Variants in WDPCP observed in about 807,000 individuals in gnomAD.
WDPCP encodes WD repeat containing planar cell polarity effector.
WDPCP carries 71 observed loss-of-function variants against 93.1 expected under a neutral mutation model. The observed-to-expected ratio is 0.76, with a 90% CI of 0.63 to 0.93. The LOEUF (loss-of-function observed/expected upper bound fraction) is 0.93. Ranked by LOEUF, WDPCP falls within the 40% of genes least tolerant of loss-of-function variation. WDPCP has a pLI of 0.00. For missense variants in WDPCP, 844 were observed against 887.4 expected, an observed-to-expected ratio of 0.95 and a Z score of 0.62; for synonymous variants, 315 against 315.0, an observed-to-expected ratio of 1.00 and a Z score of 0.00.
At chr2:63,834,104 C>A in the WDPCP span, among the ~76,000 whole-genome samples, 3 of 152,096 alleles carry the variant, frequency 2.0e-5, no homozygotes, top group African/African-American at 4.8e-5. Context: ...TATCTGTATT[C>A]TTTTTTCTTT....
intron 1 of WDPCP, among the ~76,000 whole-genome samples, chr2:63,539,702 A>T (rs1704568721): frequency 6.6e-6 from 1 of 152,202 alleles, no homozygotes; most frequent in Non-Finnish European, 1.5e-5. Context: ...AATAATAAAA[A>T]AATAAAACTC....
chr2:63,293,882 C>T (rs1156963119), intron 13 of WDPCP, among the ~76,000 whole-genome samples: 2 of 152,084 alleles, frequency 1.3e-5, no homozygotes, highest in Admixed American at 6.6e-5. Context: ...TACCATCAAG[C>T]TGATCAACAT....
At chr2:63,705,262 T>C (rs940108368) in intron 2 of WDPCP, among the ~76,000 whole-genome samples, 12 of 152,224 alleles carry the variant, frequency 7.9e-5, no homozygotes, top group East Asian at 5.8e-4. Flanking sequence ...CCTGGATACA[T>C]TGATTTTTTG....
chr2:63,486,660 T>A, intron 3 of WDPCP, 74 bp from the exon 4 acceptor site: 1 of 1,256,876 alleles, frequency 8.0e-7, no homozygotes, highest in Non-Finnish European at 1.1e-6. Context: ...GCCTTGTATT[T>A]TAATATGTAC....
chr2:63,531,895 G>A (rs370172649), intron 1 of WDPCP, among the ~76,000 whole-genome samples: 12 of 152,084 alleles, frequency 7.9e-5, no homozygotes, highest in East Asian at 3.9e-4. Flanking sequence ...TCAGAAGATC[G>A]GTAATAACAA....
chr2:63,147,657 T>C (rs992290173), intron 17 of WDPCP, among the ~76,000 whole-genome samples: 1 of 152,196 alleles, frequency 6.6e-6, no homozygotes, highest in African/African-American at 2.4e-5. Context: ...TGGATACAGA[T>C]ACTGCCTTTT....
chr2:63,791,973 T>C (rs1029680769), intron 2 of WDPCP, among the ~76,000 whole-genome samples: 1 of 152,112 alleles, frequency 6.6e-6, no homozygotes, highest in Non-Finnish European at 1.5e-5. Context: ...TTAGCAAATG[T>C]AAGGGAAAAA....
upstream of WDPCP, chr2:63,593,565 TTAAG>T (rs1313318591): frequency 4.2e-6 from 2 of 471,320 alleles, no homozygotes; most frequent in Non-Finnish European, 8.8e-6. Context: ...AGAAGGAACT[TTAAG>T]TAAAAAGAAA....
upstream of WDPCP, chr2:63,589,173 C>T (rs1437620783): frequency 6.2e-7 from 1 of 1,609,614 alleles, no homozygotes; most frequent in African/African-American, 1.3e-5. Flanking sequence ...TTGGCAAGCT[C>T]GGACTCATCT....
At chr2:63,405,602 T>C (rs1694516115) in intron 9 of WDPCP, among the ~76,000 whole-genome samples, 1 of 146,516 alleles carries the variant, frequency 6.8e-6, no homozygotes, top group Non-Finnish European at 1.5e-5. Flanking sequence ...GGGGTGGTCC[T>C]GGAACCAATC....
chr2:63,554,521 C>G (rs1252418529), intron 1 of WDPCP, among the ~76,000 whole-genome samples: 1 of 152,044 alleles, frequency 6.6e-6, no homozygotes, highest in Non-Finnish European at 1.5e-5. Flanking sequence ...GGTATGATGG[C>G]AGGCACCTGT....
chr2:63,414,472 T>C (rs536083155), intron 9 of WDPCP, among the ~76,000 whole-genome samples: 2,082 of 148,886 alleles, frequency 0.014, 25 homozygotes, highest in South Asian at 0.033. Context: ...CACACACATA[T>C]ACACACACAC....
intron 14 of WDPCP, among the ~76,000 whole-genome samples, chr2:63,212,647 G>A (rs1357536450): frequency 2.0e-5 from 3 of 152,052 alleles, no homozygotes; most frequent in African/African-American, 7.2e-5. Context: ...TGGACTAAAT[G>A]CCCCAATTAA....
chr2:63,682,464 G>A (rs1668723029), intron 2 of WDPCP, among the ~76,000 whole-genome samples: 1 of 151,686 alleles, frequency 6.6e-6, no homozygotes, highest in Non-Finnish European at 1.5e-5. Context: ...CTTGAAGATG[G>A]GTTATTTGAA....
intron 14 of WDPCP, among the ~76,000 whole-genome samples, chr2:63,209,346 C>A (rs1676587877): frequency 2.0e-5 from 3 of 152,188 alleles, no homozygotes; most frequent in Non-Finnish European, 4.4e-5. Flanking sequence ...TCTTGGTCAT[C>A]CATTCATGCG....
chr2:63,726,273 C>T (rs1669495683), intron 2 of WDPCP, among the ~76,000 whole-genome samples: 1 of 152,148 alleles, frequency 6.6e-6, no homozygotes, highest in African/African-American at 2.4e-5. Context: ...TATGGCTAGC[C>T]AGTTATGACA....
At position 63,817,711 on chromosome 2, in the gene WDPCP, AG is replaced by A. The variant is rs1363344141; in HGVS notation, n.223-4005del. 2.0e-5 allele frequency among the ~76,000 whole-genome samples: 3 copies of A among 152,178 alleles called. No homozygotes were observed. The East Asian group carries it at 5.8e-4, about 29-fold the overall frequency. ...TATTATCCGTCCCTTTACAAAAAAA[AG>A]TTTGCCAACCTCTCTACTAAAGTTA... On this transcript the variant is annotated intron_variant and non_coding_transcript_variant, in intron 1 of 4. Transcript: ENST00000467687.
At chr2:63,348,056 C>T (rs556249279) in intron 12 of WDPCP, among the ~76,000 whole-genome samples, 55 of 151,988 alleles carry the variant, frequency 3.6e-4, no homozygotes, top group Non-Finnish European at 6.6e-4. Context: ...GTCTAGTAGG[C>T]GAGATAGCCA....
At position 63,782,760 on chromosome 2, in the gene WDPCP, G is replaced by GTGTGTGTGTGTGTGTTTGTGTGTT. The variant is rs1558909498; in HGVS notation, n.308+30861_308+30862insAACACACAAACACACACACACACA. The stretch of plus-strand genomic sequence containing the variant: ...GCAACATGTGTGTGTGTGTGTGTGT[G>GTGTGTGTGTGTGTGTTTGTGTGTT]TGTGTGTGTGTGTGTGTTTGTGTGT... On this transcript the variant is annotated intron_variant and non_coding_transcript_variant, in intron 2 of 4. Transcript: ENST00000467687. Among the ~76,000 whole-genome samples, 25 of 151,714 alleles carry GTGTGTGTGTGTGTGTTTGTGTGTT rather than the reference G, an allele frequency of 1.6e-4. No individual in the cohort carries two copies. In the East Asian group the frequency reaches 3.1e-3, roughly 19 times the overall value.
Sources: gnomAD v4.1 joint callset for allele counts (sites outside exome capture counted in the v4.1 genomes callset) on GRCh38, gnomAD v4.1.1 for gene constraint, MANE v1.5 for transcripts, NCBI Gene and HGNC (gene_info 2026-07-23, HGNC 2026-07-21) for gene names.